NTN1: variants seen among roughly 807,000 people sequenced by gnomAD.
NTN1 encodes the protein netrin 1, also known as netrin-1.
A neutral mutation model predicts 54.2 loss-of-function variants in NTN1; 11 were observed. The observed-to-expected ratio is 0.20, with a 90% confidence interval of 0.13 to 0.34. The LOEUF is 0.34. Ranked by LOEUF, NTN1 falls within the 10% of genes least tolerant of loss-of-function variation. The pLI is 1.00. For missense variants in NTN1, 740 were observed against 893.1 expected (o/e 0.83, Z 2.18); for synonymous variants, 371 against 382.0 (o/e 0.97, Z 0.33).
intron 3 of NTN1, chr17:9,177,107 A>C (rs996376276): frequency 6.6e-6 from 1 of 152,460 alleles, no homozygotes; most frequent in African/African-American, 2.4e-5. Context: ...CGCTGCCTCC[A>C]TAAACCAGAG....
At chr17:9,197,619 C>T (rs1246073864) in intron 5 of NTN1, among the ~76,000 whole-genome samples, 1 of 144,922 alleles carries the variant, frequency 6.9e-6, no homozygotes. Flanking sequence ...GAGATCACAG[C>T]ACTGCACTCC....
upstream of NTN1, among the ~76,000 whole-genome samples, chr17:9,019,201 T>C (rs1290002090): frequency 6.6e-6 from 1 of 152,204 alleles, no homozygotes; most frequent in East Asian, 1.9e-4. Flanking sequence ...ACTTCATATT[T>C]TACTGTGCAA....
At chr17:9,148,464 G>T (rs1305249028) in intron 2 of NTN1, among the ~76,000 whole-genome samples, 1 of 152,158 alleles carries the variant, frequency 6.6e-6, no homozygotes, top group Non-Finnish European at 1.5e-5. Flanking sequence ...GCGTGAAATC[G>T]TACATCTTAG....
chr17:9,226,453 C>CGG (rs1567744967), intron 6 of NTN1, among the ~76,000 whole-genome samples: 11 of 87,550 alleles, frequency 1.3e-4, no homozygotes, highest in East Asian at 6.3e-4. Flanking sequence ...CGTGGGGAGG[C>CGG]TGTCTCGTGG....
intron 2 of NTN1, among the ~76,000 whole-genome samples, chr17:9,089,370 G>T (rs147925005): frequency 0.017 from 2,542 of 151,274 alleles, 71 homozygotes; most frequent in African/African-American, 0.059. Flanking sequence ...AGCCGAGATT[G>T]TGCCACTGTA....
chr17:9,005,829 C>A, the NTN1 span, among the ~76,000 whole-genome samples: 1 of 152,266 alleles, frequency 6.6e-6, no homozygotes, highest in South Asian at 2.1e-4. Flanking sequence ...CAGAGTGCAC[C>A]GCAGGCTGCC....
intron 3 of NTN1, among the ~76,000 whole-genome samples, chr17:9,168,757 A>G (rs1308847491): frequency 6.6e-6 from 1 of 152,004 alleles, no homozygotes; most frequent in African/African-American, 2.4e-5. Context: ...TTGTCCACCC[A>G]CCCTATAAAA....
At chr17:9,215,264 C>CAA (rs1555577267) in intron 5 of NTN1, among the ~76,000 whole-genome samples, 15 of 146,062 alleles carry the variant, frequency 1.0e-4, no homozygotes, top group South Asian at 2.2e-4. Flanking sequence ...CACACACACA[C>CAA]ACACACACAC....
At chr17:9,182,238 G>A (rs1024466905) in intron 4 of NTN1, among the ~76,000 whole-genome samples, 9 of 142,248 alleles carry the variant, frequency 6.3e-5, no homozygotes, top group African/African-American at 2.3e-4. Flanking sequence ...AACGTGTTGG[G>A]CCCCAAACGT....
At chr17:9,020,541 T>G (rs1213692155), upstream of NTN1, among the ~76,000 whole-genome samples, 1 of 152,224 alleles carries the variant, frequency 6.6e-6, no homozygotes, top group Non-Finnish European at 1.5e-5. Flanking sequence ...TTTTTGATGT[T>G]TACTTGGGGG....
chr17:9,158,383 C>G (rs767494488), intron 2 of NTN1, among the ~76,000 whole-genome samples: 1 of 152,114 alleles, frequency 6.6e-6, no homozygotes, highest in Non-Finnish European at 1.5e-5. Flanking sequence ...ACATTTGCCT[C>G]CAAGAAGGAC....
At chr17:9,132,969 G>A (rs1325681883) in intron 2 of NTN1, among the ~76,000 whole-genome samples, 1 of 152,128 alleles carries the variant, frequency 6.6e-6, no homozygotes, top group African/African-American at 2.4e-5. Context: ...CCTGACTCCA[G>A]GAATATCTGA....
chr17:9,035,048 G>C (rs1211324797), intron 2 of NTN1, among the ~76,000 whole-genome samples: 1 of 152,218 alleles, frequency 6.6e-6, no homozygotes, highest in Non-Finnish European at 1.5e-5. Flanking sequence ...CCAGGTTCAT[G>C]CCATTCTCCT....
intron 2 of NTN1, among the ~76,000 whole-genome samples, chr17:9,115,960 G>A (rs78281405): frequency 3.5e-4 from 54 of 152,366 alleles, no homozygotes; most frequent in African/African-American, 1.3e-3. Flanking sequence ...CCGAAGGGGC[G>A]GAGGCCCCAG....
At chr17:9,237,381 TAAAAATTTTA>T (rs1241083361) in intron 6 of NTN1, among the ~76,000 whole-genome samples, 6 of 152,196 alleles carry the variant, frequency 3.9e-5, no homozygotes, top group Admixed American at 2.6e-4. Flanking sequence ...TTAACATTTT[TAAAAATTTTA>T]ATGGGTAGTT....
At chr17:9,228,865 AGTGTGTCT>A (rs71135955) in intron 6 of NTN1, among the ~76,000 whole-genome samples, 91,664 of 137,680 alleles carry the variant, frequency 0.67, 28,695 homozygotes, top group East Asian at 0.84. Flanking sequence ...TGTGTATGAG[AGTGTGTCT>A]GTGTGTGACT....
chr17:9,114,403 G>A (rs1172253514), intron 2 of NTN1, among the ~76,000 whole-genome samples: 1 of 150,552 alleles, frequency 6.6e-6, no homozygotes, highest in African/African-American at 2.4e-5. Flanking sequence ...TTTCTGTAGT[G>A]TTTGAATTTT....
intron 3 of NTN1, chr17:9,176,171 GC>G (rs55959301): frequency 0.67 from 101,345 of 152,386 alleles, 33,841 homozygotes; most frequent in Non-Finnish European, 0.68. Context: ...CCCCTCCCCT[GC>G]CCCCCCGTGG....
At chr17:9,053,475 G>A (rs549123514) in intron 2 of NTN1, among the ~76,000 whole-genome samples, 1 of 152,214 alleles carries the variant, frequency 6.6e-6, no homozygotes. Context: ...ACAAATTTAA[G>A]TCCTGCAGCA....
Sources: gnomAD v4.1 joint callset for allele counts (sites outside exome capture counted in the v4.1 genomes callset) on GRCh38, gnomAD v4.1.1 for gene constraint, MANE v1.5 for transcripts, NCBI Gene and HGNC (gene_info 2026-07-23, HGNC 2026-07-21) for gene names.